CLTA: variants seen among roughly 807,000 people sequenced by gnomAD.
CLTA encodes the protein clathrin, light polypeptide (Lca).
CLTA carries 9 observed loss-of-function variants against 26.9 expected under a neutral mutation model. That is an observed-to-expected ratio of 0.33 (90% CI 0.20 to 0.58). The LOEUF (loss-of-function observed/expected upper bound fraction) is 0.58, where lower values mean the gene tolerates loss of function less well. Ranked by LOEUF, CLTA falls within the 20% of genes least tolerant of loss-of-function variation. CLTA has a pLI of 0.85. For missense variants in CLTA, 278 were observed against 294.2 expected, an observed-to-expected ratio of 0.94 and a Z score of 0.40; for synonymous variants, 120 against 115.5, an observed-to-expected ratio of 1.04 and a Z score of -0.25.
rs1224689614 is a variant in CLTA at position 36,190,941 on chromosome 9, C to T, written c.-116C>T. On this transcript the variant is annotated 5_prime_UTR_variant, in exon 1 of 5. Coordinates refer to ENST00000345519, the MANE Select transcript of CLTA (RefSeq NM_001833.4). ...GGCTTCCGCTTTACCCGTCTCCCTC[C>T]TGGCGCTTGTCCTCCTCTCCCAGTC... is the stretch of plus-strand genomic sequence containing the variant. The T allele has an allele frequency of 8.4e-6, 12 of 1,424,016 alleles. No homozygotes were observed. Among genetic ancestry groups the T allele is most frequent in the Non-Finnish European group, 1.1e-5 (12 of 1,096,402 alleles). 88.2% of individuals were successfully genotyped at this position (1,424,016 alleles called of 1,614,324 possible).
At chr9:36,207,952 C>CT (rs746094513) in intron 4 of CLTA, among the ~76,000 whole-genome samples, 2 of 152,172 alleles carry the variant, frequency 1.3e-5, no homozygotes, top group Non-Finnish European at 2.9e-5. Flanking sequence ...TGCTGAGTCA[C>CT]TTTAAGTTAT....
Position 36,197,483 on chromosome 9 carries a change from A to G in CLTA, c.218-68A>G, listed in dbSNP as rs12006131. ...CATACAGCATATGATGCTGTATTCT[A>G]CTGTACAACCCTTTGGCCCAGTGTT... is the stretch of plus-strand genomic sequence containing the variant. On this transcript the variant is annotated intron_variant, in intron 1 of 4. Transcript: ENST00000345519. 825 of 1,065,094 alleles carry G rather than the reference A, an allele frequency of 7.7e-4. 3 individuals are homozygous for G. In the African/African-American group the frequency reaches 9.6e-3, roughly 12 times the overall value. The allele number at this position is 1,065,094 out of a possible 1,614,324, so 66.0% of individuals were successfully genotyped here. A position where few individuals can be genotyped will look rare whatever the true frequency, so the allele number is the denominator to read the frequency against.
At chr9:36,207,124 G>A (rs147513838) in intron 4 of CLTA, among the ~76,000 whole-genome samples, 2 of 152,268 alleles carry the variant, frequency 1.3e-5, no homozygotes, top group African/African-American at 4.8e-5. Flanking sequence ...AAAGCACTAG[G>A]AGCACGTCGC....
intron 3 of CLTA, 97 bp downstream of exon 3, chr9:36,199,193 A>G: frequency 2.5e-6 from 2 of 811,750 alleles, no homozygotes; most frequent in South Asian, 1.4e-5. Flanking sequence ...AACCAGTGTC[A>G]TTGTCTGGTC....
At chr9:36,210,602 CT>C (rs1320517621) in intron 4 of CLTA, 8 of 1,614,090 alleles carry the variant, frequency 5.0e-6, no homozygotes, top group Non-Finnish European at 6.8e-6. Context: ...TCTCTCGTTT[CT>C]TTTCTTCTCT....
chr9:36,197,222 CTT>C (rs35928630), intron 1 of CLTA, among the ~76,000 whole-genome samples: 4 of 150,152 alleles, frequency 2.7e-5, no homozygotes, highest in Non-Finnish European at 4.5e-5. Context: ...CCAGGCCACA[CTT>C]TTTTTTTTCC....
chr9:36,204,579 C>T (rs1827608666), intron 4 of CLTA, among the ~76,000 whole-genome samples: 1 of 152,170 alleles, frequency 6.6e-6, no homozygotes, highest in South Asian at 2.1e-4. Context: ...CTGAAAGCCA[C>T]TTCATGAAGG....
At chr9:36,197,885 C>A (rs1827146091) in intron 2 of CLTA, among the ~76,000 whole-genome samples, 2 of 151,852 alleles carry the variant, frequency 1.3e-5, no homozygotes, top group South Asian at 2.1e-4. Flanking sequence ...TTAAATAATT[C>A]TCCTTCCATC....
In CLTA at chr9:36,203,963, A is replaced by G. The variant is rs990462105; in HGVS notation, c.374-105A>G. On this transcript the variant is annotated intron_variant, in intron 3 of 4. Transcript: ENST00000345519. ...CTTCTCCCCCAACAGGCACACAGAC[A>G]TGGACCTGCACCCACCACAAGTTCA... 15 of 1,486,826 alleles carry G rather than the reference A, an allele frequency of 1.0e-5. No individual in the cohort carries two copies. In the Admixed American group the frequency reaches 2.0e-4, roughly 20 times the overall value. 92.1% of individuals were successfully genotyped at this position (1,486,826 alleles called of 1,614,324 possible). A position where few individuals can be genotyped will look rare whatever the true frequency, so the allele number is the denominator to read the frequency against.
chr9:36,202,238 C>T (rs974462204), intron 3 of CLTA, among the ~76,000 whole-genome samples: 5 of 152,192 alleles, frequency 3.3e-5, no homozygotes, highest in African/African-American at 1.2e-4. Flanking sequence ...TTCCTACTAA[C>T]CTGAAACTTG....
rs1827591881 is a variant in CLTA at position 36,204,252 on chromosome 9, G to A, written c.485+73G>A. On this transcript the variant is annotated intron_variant, in intron 4 of 4. Coordinates refer to ENST00000345519, the MANE Select transcript of CLTA (RefSeq NM_001833.4). The stretch of plus-strand genomic sequence containing the variant: ...AAATCCATTCTCAGCATCCAGTCTC[G>A]GTTTTTGGCTTCTGCCTCCTTTAGT... 7.3e-6 allele frequency: 11 copies of A among 1,511,166 alleles called. No individual in the cohort carries two copies. The East Asian group carries it at 1.5e-4, about 20-fold the overall frequency. 93.6% of individuals were successfully genotyped at this position (1,511,166 alleles called of 1,614,324 possible).
At chr9:36,207,130 G>C (rs7850868) in intron 4 of CLTA, among the ~76,000 whole-genome samples, 1 of 152,120 alleles carries the variant, frequency 6.6e-6, no homozygotes, top group Non-Finnish European at 1.5e-5. Context: ...CTAGGAGCAC[G>C]TCGCGCCTGG....
At chr9:36,209,519 T>C (rs987385508) in intron 4 of CLTA, among the ~76,000 whole-genome samples, 12 of 152,306 alleles carry the variant, frequency 7.9e-5, no homozygotes, top group Admixed American at 6.5e-4. Context: ...CATCCTCTGA[T>C]GGCCATTTTT....
intron 2 of CLTA, 86 bp downstream of exon 2, chr9:36,197,674 C>T: frequency 9.6e-7 from 1 of 1,038,734 alleles, no homozygotes; most frequent in South Asian, 1.5e-5. Context: ...AGAAAGAAAC[C>T]CCAGTCCTTT....
chr9:36,201,385 A>G (rs1057259367), intron 3 of CLTA, among the ~76,000 whole-genome samples: 6 of 152,280 alleles, frequency 3.9e-5, no homozygotes, highest in African/African-American at 1.4e-4. Flanking sequence ...AAGGGAAGGC[A>G]CCTGTGAATG....
chr9:36,206,002 T>C (rs1371227972), intron 4 of CLTA, among the ~76,000 whole-genome samples: 1 of 152,140 alleles, frequency 6.6e-6, no homozygotes, highest in African/African-American at 2.4e-5. Context: ...CCTCGTGATC[T>C]GCCTTCCTTG....
intron 4 of CLTA, 105 bp downstream of exon 4, chr9:36,204,284 T>C (rs1405490321): frequency 3.2e-6 from 4 of 1,248,548 alleles, no homozygotes; most frequent in African/African-American, 3.0e-5. Flanking sequence ...TAGTGTGAAA[T>C]GTCTGCAGTT....
chr9:36,198,398 C>T (rs1827180315), intron 2 of CLTA, among the ~76,000 whole-genome samples: 2 of 150,994 alleles, frequency 1.3e-5, no homozygotes, highest in Admixed American at 6.6e-5. Context: ...CAACACAGGC[C>T]GGGCACGGTG....
chr9:36,192,013 T>C (rs564618729), intron 1 of CLTA, among the ~76,000 whole-genome samples: 41 of 152,282 alleles, frequency 2.7e-4, no homozygotes, highest in Admixed American at 1.5e-3. Context: ...TCAGCCAAAC[T>C]CAAGTAAAAA....
Sources: gnomAD v4.1 joint callset for allele counts (sites outside exome capture counted in the v4.1 genomes callset) on GRCh38, gnomAD v4.1.1 for gene constraint, MANE v1.5 for transcripts, NCBI Gene and HGNC (gene_info 2026-07-23, HGNC 2026-07-21) for gene names.